H3C4: variants seen among roughly 807,000 people sequenced by gnomAD.
H3C4 encodes the protein histone H3.1.
Under a neutral mutation model 8.7 loss-of-function variants are expected in H3C4, and 10 were observed. That is an observed-to-expected ratio of 1.15 (90% CI 0.71 to 1.96). The LOEUF (loss-of-function observed/expected upper bound fraction) is 1.96. H3C4 is among the 30% of genes most tolerant of loss of function. H3C4 has a pLI of 0.00. For missense variants in H3C4, 216 were observed against 192.9 expected, an observed-to-expected ratio of 1.12 and a Z score of -0.71; for synonymous variants, 141 against 80.1, an observed-to-expected ratio of 1.76 and a Z score of -4.06.
At chr6:26,198,498 ATTTT>A (rs554899356), upstream of H3C4, among the ~76,000 whole-genome samples, 3 of 151,906 alleles carry the variant, frequency 2.0e-5, no homozygotes, top group Non-Finnish European at 2.9e-5. Context: ...CGCCCGACAA[ATTTT>A]TTTATTTTTA....
At chr6:26,198,208 C>T (rs1018865483), upstream of H3C4, among the ~76,000 whole-genome samples, 3 of 152,188 alleles carry the variant, frequency 2.0e-5, no homozygotes, top group South Asian at 4.1e-4. Flanking sequence ...CACTGACAAA[C>T]ATTAACTTCT....
Position 26,197,247 on chromosome 6 carries a change from C to A in H3C4, c.4G>T (p.Ala2Ser). Reference protein sequence around the residue: MARTKQTARKST... With the variant: MSRTKQTARKST... ...TTGCGAGCAGTCTGCTTGGTACGAGCCATTGCGAACTTCTAAACCCTGCTA... is the reference window on the plus strand; with the variant it reads ...TTGCGAGCAGTCTGCTTGGTACGAGACATTGCGAACTTCTAAACCCTGCTA... The change falls in exon 1 of 1, where the codon GCT (alanine) becomes TCT (serine). Residue 2 changes from alanine (A) to serine (S), a missense_variant. Ala to Ser is a moderately conservative substitution (Grantham distance 99). Coordinates refer to ENST00000356476, the MANE Select transcript of H3C4 (RefSeq NM_001376937.1). The A allele has an allele frequency of 1.2e-6, 2 of 1,610,136 alleles. No homozygotes were observed. The highest frequency in any genetic ancestry group is 8.5e-7 in the Non-Finnish European group (1 of 1,179,050).
At chr6:26,199,067 C>G (rs1189059173), upstream of H3C4, 3 of 1,614,084 alleles carry the variant, frequency 1.9e-6, no homozygotes, top group Non-Finnish European at 1.7e-6. Context: ...TCTCGGCGGT[C>G]AGGTACTCCA....
Position 26,197,193 on chromosome 6 carries a change from G to A in H3C4, c.58C>T (p.Gln20Ter). 2 of 1,614,110 alleles carry A rather than the reference G, an allele frequency of 1.2e-6. No homozygotes were observed. Among genetic ancestry groups the A allele is most frequent in the Non-Finnish European group, 1.7e-6 (2 of 1,179,998 alleles). ...KSTGGKAPRK[Q>*]LATKAARKSA... ...TTTCGAGCAGCCTTGGTGGCCAGCTGCTTGCGTGGCGCTTTCCCACCCGTG... is the reference window on the plus strand; with the variant it reads ...TTTCGAGCAGCCTTGGTGGCCAGCTACTTGCGTGGCGCTTTCCCACCCGTG... The change falls in exon 1 of 1, where the codon CAG (glutamine) becomes TAG (stop). Residue 20 changes from glutamine (Q) to a stop codon, truncating the protein, a stop_gained. Coordinates refer to ENST00000356476, the MANE Select transcript of H3C4 (RefSeq NM_001376937.1). LOFTEE classifies it high-confidence loss of function.
At position 26,196,836 on chromosome 6, in the gene H3C4, C is replaced by G; in HGVS notation, c.*4G>C. The G allele has an allele frequency of 1.2e-6, 2 of 1,614,180 alleles. No homozygotes were observed. The highest frequency in any genetic ancestry group is 1.7e-6 in the Non-Finnish European group (2 of 1,180,006). ...TTTTGGTTAGCACACATTCACAAGA[C>G]AATTTACGCCCTCTCCCCACGAATG... On this transcript the variant is annotated 3_prime_UTR_variant, in exon 1 of 1. Transcript: ENST00000356476.
At chr6:26,199,288 A>G (rs1006575333), upstream of H3C4, 56 of 1,569,566 alleles carry the variant, frequency 3.6e-5, no homozygotes, top group Non-Finnish European at 4.7e-5. Flanking sequence ...ACAAAAATGT[A>G]AAAGTGAATT....
upstream of H3C4, among the ~76,000 whole-genome samples, chr6:26,198,241 T>C (rs1442731999): frequency 6.6e-6 from 1 of 152,234 alleles, no homozygotes; most frequent in Non-Finnish European, 1.5e-5. Context: ...TCAGGCCTTT[T>C]AACAGCTTTG....
In H3C4 at chr6:26,197,143, C is replaced by T. The variant is rs1320408058; in HGVS notation, c.108G>A (p.Val36=). The part of the protein sequence containing the change: ...ARKSAPATGG[V]KKPHRYRPGT... ...CGGGCCGGTAACGGTGGGGCTTCTT[C>T]ACGCCGCCGGTGGCTGGAGCGCTCT... Residue 36 remains valine (V), a synonymous_variant, in exon 1 of 1, where the codon GTG becomes GTA. Transcript: ENST00000356476. 2 of 1,614,164 alleles carry T rather than the reference C, an allele frequency of 1.2e-6. No individual in the cohort carries two copies. The highest frequency in any genetic ancestry group is 1.3e-5 in the African/African-American group (1 of 75,070).
rs776388713 is a variant in H3C4 at position 26,197,062 on chromosome 6, A to C, written c.189T>G (p.Ile63Met). The C allele has an allele frequency of 3.7e-6, 6 of 1,614,228 alleles. No homozygotes were observed. Among genetic ancestry groups the C allele is most frequent in the South Asian group, 2.2e-5 (2 of 91,088 alleles). Residue 63 changes from isoleucine (I) to methionine (M), a missense_variant, in exon 1 of 1, where the codon ATT (isoleucine) becomes ATG (methionine). By Grantham distance (10) the Ile-to-Met change is conservative. Transcript: ENST00000356476. ...RRYQKSTELL[I>M]RKLPFQRLVR... ...CTAGACGCTGGAATGGCAGTTTGCGAATCAGCAGCTCGGTCGACTTCTGGT... is the reference window on the plus strand; with the variant it reads ...CTAGACGCTGGAATGGCAGTTTGCGCATCAGCAGCTCGGTCGACTTCTGGT...
chr6:26,198,911 G>T (rs1448069899), upstream of H3C4: 1 of 1,614,244 alleles, frequency 6.2e-7, no homozygotes, highest in East Asian at 2.2e-5. Context: ...CAGCCTGGAT[G>T]TTGGGCAGAA....
At chr6:26,198,278 C>T (rs886899815), upstream of H3C4, among the ~76,000 whole-genome samples, 7 of 151,916 alleles carry the variant, frequency 4.6e-5, no homozygotes, top group Non-Finnish European at 1.0e-4. Context: ...CTGCATTGAT[C>T]GATTTAAATT....
At chr6:26,199,196 C>T (rs1290793856), upstream of H3C4, 4 of 1,613,508 alleles carry the variant, frequency 2.5e-6, no homozygotes, top group African/African-American at 1.3e-5. Flanking sequence ...AAGAGCGGGT[C>T]TTAGCCTTAG....
chr6:26,198,712 A>G (rs1278846197), upstream of H3C4: 4 of 796,082 alleles, frequency 5.0e-6, no homozygotes, highest in Admixed American at 9.5e-5. Flanking sequence ...CCACTTATAA[A>G]TGGAAAAATT....
At chr6:26,199,014 G>C (rs761602589), upstream of H3C4, 1 of 1,614,160 alleles carries the variant, frequency 6.2e-7, no homozygotes, top group Non-Finnish European at 8.5e-7. Context: ...GATGATGCGG[G>C]TCTTCTTGTT....
chr6:26,199,194 G>C (rs141689063), upstream of H3C4: 9 of 1,613,466 alleles, frequency 5.6e-6, no homozygotes, highest in Non-Finnish European at 6.8e-6. Flanking sequence ...CGAAGAGCGG[G>C]TCTTAGCCTT....
upstream of H3C4, among the ~76,000 whole-genome samples, chr6:26,197,948 A>C (rs1291204433): frequency 6.6e-6 from 1 of 151,238 alleles, no homozygotes; most frequent in Admixed American, 6.6e-5. Context: ...CCTTTTAGTC[A>C]TGCTGAACAC....
upstream of H3C4, chr6:26,199,019 C>G: frequency 6.2e-7 from 1 of 1,614,108 alleles, no homozygotes; most frequent in Non-Finnish European, 8.5e-7. Context: ...TGCGGGTCTT[C>G]TTGTTGTCGC....
At chr6:26,197,287 G>T (rs551972687), upstream of H3C4, 97 of 1,588,658 alleles carry the variant, frequency 6.1e-5, 2 homozygotes, top group South Asian at 9.9e-4. Context: ...ACGAAAAAAC[G>T]AAAGTCTAGC....
upstream of H3C4, among the ~76,000 whole-genome samples, chr6:26,197,583 T>C (rs951358704): frequency 6.6e-6 from 1 of 152,168 alleles, no homozygotes; most frequent in Non-Finnish European, 1.5e-5. Context: ...ATGTTGGCGC[T>C]GAAACTGGCT....
Sources: allele counts gnomAD v4.1 joint callset (sites outside exome capture counted in the v4.1 genomes callset), GRCh38; gene constraint gnomAD v4.1.1; transcripts MANE v1.5; gene names NCBI Gene and HGNC (gene_info 2026-07-23, HGNC 2026-07-21).